The following TEX9 variants were observed in gnomAD, a reference collection of about 807,000 sequenced individuals.
The protein encoded by TEX9 is testis-expressed protein 9.
Under a neutral mutation model 59.6 loss-of-function variants are expected in TEX9, and 74 were observed. That is an observed-to-expected ratio of 1.24 (90% CI 1.03 to 1.51). The LOEUF (loss-of-function observed/expected upper bound fraction) is 1.51. Ranked by LOEUF, TEX9 falls within the 40% of genes most tolerant of loss-of-function variation. The probability of loss-of-function intolerance (pLI) is 0.00; values close to 1 mark genes in which losing one functional copy is unlikely to be tolerated. For missense variants in TEX9, 522 were observed against 447.8 expected (o/e 1.17, Z -1.49); for synonymous variants, 186 against 152.2 (o/e 1.22, Z -1.64).
chr15:56,435,443 A>C (rs2140333748), intron 12 of TEX9, among the ~76,000 whole-genome samples: 1 of 152,160 alleles, frequency 6.6e-6, no homozygotes, highest in South Asian at 2.1e-4. Context: ...AGAAAAAAAA[A>C]ATGAATGAAT....
At chr15:56,375,962 A>G (rs1317145161) in intron 3 of TEX9, among the ~76,000 whole-genome samples, 1 of 151,504 alleles carries the variant, frequency 6.6e-6, no homozygotes, top group East Asian at 1.9e-4. Context: ...TCAGTAAACT[A>G]TCACAAGAAC....
chr15:56,446,983 A>G (rs113142772), downstream of TEX9: 113 of 1,414,832 alleles, frequency 8.0e-5, no homozygotes, highest in Non-Finnish European at 1.1e-4. Context: ...TGTTAGGACC[A>G]TAAGAGAATG....
chr15:56,392,868 G>A (rs1242597588), intron 7 of TEX9, among the ~76,000 whole-genome samples: 1 of 152,038 alleles, frequency 6.6e-6, no homozygotes, highest in Non-Finnish European at 1.5e-5. Flanking sequence ...TTAGAACTTT[G>A]CCTCCCTGTG....
At chr15:56,343,530 A>G (rs544330507) in intron 1 of TEX9, among the ~76,000 whole-genome samples, 7 of 152,234 alleles carry the variant, frequency 4.6e-5, no homozygotes, top group African/African-American at 1.7e-4. Context: ...AAATGGCAAA[A>G]TTACCAATAT....
At chr15:56,412,330 A>G in exon 10 of TEX9, 1 of 1,612,340 alleles carries the variant, frequency 6.2e-7, no homozygotes, top group Non-Finnish European at 8.5e-7. Flanking sequence ...AGACTGCAAA[A>G]ACAGGCTGCA....
At chr15:56,272,177 A>C (rs889887646) in intron 1 of TEX9, among the ~76,000 whole-genome samples, 4 of 151,728 alleles carry the variant, frequency 2.6e-5, no homozygotes, top group African/African-American at 7.3e-5. Flanking sequence ...AGTGGTTTTT[A>C]GACTATTCAC....
intron 12 of TEX9, chr15:56,428,650 G>T: frequency 2.3e-6 from 1 of 436,544 alleles, no homozygotes; most frequent in Non-Finnish European, 4.1e-6. Context: ...TGACAATTAA[G>T]CACATCAGAT....
chr15:56,408,718 G>C (rs76741941), intron 9 of TEX9: 1 of 106,436 alleles, frequency 9.4e-6, no homozygotes, highest in African/African-American at 3.6e-5. Flanking sequence ...ATCTTGATCT[G>C]TTTTCCTATA....
At chr15:56,344,051 C>G (rs556081881) in intron 1 of TEX9, among the ~76,000 whole-genome samples, 2 of 152,284 alleles carry the variant, frequency 1.3e-5, no homozygotes, top group South Asian at 4.1e-4. Context: ...AACTGGAACT[C>G]TCTTACACTG....
chr15:56,407,943 A>G (rs1253698012), intron 9 of TEX9, among the ~76,000 whole-genome samples: 1 of 152,192 alleles, frequency 6.6e-6, no homozygotes, highest in Non-Finnish European at 1.5e-5. Context: ...TGGATTCTAT[A>G]TACTCTCTTC....
chr15:56,330,535 C>A (rs558238915), intron 1 of TEX9, among the ~76,000 whole-genome samples: 1 of 151,990 alleles, frequency 6.6e-6, no homozygotes, highest in Non-Finnish European at 1.5e-5. Context: ...AGTAGAGGAA[C>A]AAAATTAGAA....
intron 12 of TEX9, among the ~76,000 whole-genome samples, chr15:56,436,646 C>CA (rs1460003602): frequency 4.6e-5 from 7 of 151,992 alleles, no homozygotes; most frequent in East Asian, 3.8e-4. Flanking sequence ...AAAAACCCTT[C>CA]AAAAAATCAG....
rs780873252 is a variant in TEX9 at position 56,389,406 on chromosome 15, GTA to G, written c.395+9_395+10del. ...GGAAGGAAAACAAATTCAAGGTATA[GTA>G]TAGTTTTCAAAGTATTTCTTTTTTT... On this transcript the variant is annotated splice_region_variant and intron_variant, in intron 6 of 12. Transcript: ENST00000352903. The G allele has an allele frequency of 6.3e-6, 10 of 1,581,198 alleles. No homozygotes were observed. In the South Asian group the frequency reaches 1.0e-4, roughly 16 times the overall value.
chr15:56,303,515 C>G (rs1340161761), intron 1 of TEX9, among the ~76,000 whole-genome samples: 1 of 152,032 alleles, frequency 6.6e-6, no homozygotes, highest in Non-Finnish European at 1.5e-5. Flanking sequence ...CACAACGTAT[C>G]AAAACCTATG....
intron 1 of TEX9, among the ~76,000 whole-genome samples, chr15:56,299,043 G>C (rs1738076968): frequency 6.6e-6 from 1 of 152,114 alleles, no homozygotes; most frequent in Admixed American, 6.5e-5. Flanking sequence ...ACCCAATAAA[G>C]CACCTTCATA....
At chr15:56,444,784 T>G (rs1468050201) in intron 12 of TEX9, 1 of 991,764 alleles carries the variant, frequency 1.0e-6, no homozygotes, top group Non-Finnish European at 1.5e-6. Flanking sequence ...TAAAATAAAT[T>G]TTTTCATCTG....
the TEX9 span, among the ~76,000 whole-genome samples, chr15:56,457,649 C>A: frequency 6.6e-6 from 1 of 152,046 alleles, no homozygotes; most frequent in Non-Finnish European, 1.5e-5. Flanking sequence ...TAGAGAGGTG[C>A]TGTCCTTACA....
intron 1 of TEX9, among the ~76,000 whole-genome samples, chr15:56,341,255 T>G (rs1414426533): frequency 6.6e-6 from 1 of 152,174 alleles, no homozygotes; most frequent in Non-Finnish European, 1.5e-5. Flanking sequence ...AGTTATGCAA[T>G]TCCACAATCC....
chr15:56,329,832 T>G (rs547829185), intron 1 of TEX9, among the ~76,000 whole-genome samples: 1 of 152,238 alleles, frequency 6.6e-6, no homozygotes, highest in Admixed American at 6.5e-5. Flanking sequence ...CTAAGAGCTA[T>G]TAGCCTTAAA....
Sources: gnomAD v4.1 joint callset for allele counts (sites outside exome capture counted in the v4.1 genomes callset) on GRCh38, gnomAD v4.1.1 for gene constraint, MANE v1.5 for transcripts, NCBI Gene and HGNC (gene_info 2026-07-23, HGNC 2026-07-21) for gene names.